CEP19: variants seen among roughly 807,000 people sequenced by gnomAD.
The protein encoded by CEP19 is centrosomal protein 19, also known as centrosomal protein of 19 kDa.
A neutral mutation model predicts 17.5 loss-of-function variants in CEP19; 14 were observed. The ratio of observed to expected loss-of-function variants is 0.80; its 90% CI spans 0.53 to 1.25. CEP19 has a LOEUF of 1.25. Among genes scored for constraint, CEP19 ranks in the 50% most tolerant of loss-of-function variants. The pLI is 0.00. For missense variants in CEP19, 193 were observed against 192.0 expected (o/e 1.01, Z -0.03); for synonymous variants, 59 against 65.5 (o/e 0.90, Z 0.48).
chr3:196,708,580 C>T lies in CEP19; in HGVS notation c.78G>A (p.Lys26=). ...GCATAATGCGCTGGCGAATTTTCCC[C>T]TTGATTTCACTCTCATAGATTAAGA... ...AIILIYESEI[K]GKIRQRIMPV... The change falls in exon 2 of 3, where the codon AAG becomes AAA. Residue 26 remains lysine, a synonymous_variant. Transcript: ENST00000409690. 2 of 1,614,156 alleles carry T rather than the reference C, an allele frequency of 1.2e-6. No individual in the cohort carries two copies. The highest frequency in any genetic ancestry group is 1.7e-6 in the Non-Finnish European group (2 of 1,180,006).
At chr3:196,708,163 G>A (rs1313269191) in intron 2 of CEP19, among the ~76,000 whole-genome samples, 5 of 152,170 alleles carry the variant, frequency 3.3e-5, no homozygotes, top group Non-Finnish European at 1.5e-5. Context: ...TCACTTTGTA[G>A]AGATATTAAA....
Position 196,707,517 on chromosome 3 carries a change from C to T in CEP19, c.*34G>A, listed in dbSNP as rs1170187702. ...CAGTCTGGTAATAAACATGGATATT[C>T]TGCTAGCCCAATGCATGTTTTGAGT... On this transcript the variant is annotated 3_prime_UTR_variant, in exon 3 of 3. Transcript: ENST00000409690. 1.5e-5 allele frequency: 23 copies of T among 1,563,032 alleles called. No homozygotes were observed. Among genetic ancestry groups the T allele is most frequent in the Non-Finnish European group, 1.9e-5 (22 of 1,158,606 alleles).
Position 196,712,229 on chromosome 3 carries a change from C to T in CEP19, c.-371G>A, listed in dbSNP as rs1304054319. On this transcript the variant is annotated 5_prime_UTR_variant, in exon 1 of 3. Coordinates refer to ENST00000409690, the MANE Select transcript of CEP19 (RefSeq NM_032898.5). ...ATTCCAGGTCCCGGCGAGCGCTGGC[C>T]TAGCGGTTTCCACAGCGACAGGCCG... 5.9e-6 allele frequency: 3 copies of T among 509,680 alleles called. No individual in the cohort carries two copies. In the Admixed American group the frequency reaches 9.7e-5, roughly 17 times the overall value. 31.6% of individuals were successfully genotyped at this position (509,680 alleles called of 1,614,324 possible). A position where few individuals can be genotyped will look rare whatever the true frequency, so the allele number is the denominator to read the frequency against.
chr3:196,710,856 A>C (rs895739872), intron 1 of CEP19, among the ~76,000 whole-genome samples: 6 of 150,380 alleles, frequency 4.0e-5, no homozygotes, highest in East Asian at 1.9e-4. Context: ...AAAAAAAAAA[A>C]AAAAAAAAAA....
chr3:196,712,012 A>G lies in CEP19; in HGVS notation c.-154T>C, dbSNP rs1577663939. 1.4e-6 allele frequency: 1 copy of G among 717,106 alleles called. No homozygotes were observed. Among genetic ancestry groups the G allele is most frequent in the Admixed American group, 2.0e-5 (1 of 50,004 alleles). The allele number at this position is 717,106 out of a possible 1,614,324, so 44.4% of individuals were successfully genotyped here. A position where few individuals can be genotyped will look rare whatever the true frequency, so the allele number is the denominator to read the frequency against. On this transcript the variant is annotated 5_prime_UTR_variant, in exon 1 of 3. Transcript: ENST00000409690. ...GGGTTTTTCCACCCAACCGCAGTGC[A>G]CGCAAAGCCCCTAAGCCGACTGTGA...
At chr3:196,707,937 A>G (rs772422370) in intron 2 of CEP19, 25 bp from the exon 3 acceptor site, 32 of 1,596,506 alleles carry the variant, frequency 2.0e-5, no homozygotes, top group African/African-American at 4.0e-5. Context: ...AAAACTATAT[A>G]CCACATACGT....
At position 196,706,569 on chromosome 3, in the gene CEP19, T is replaced by TC. The variant is rs1711525318; in HGVS notation, c.*981_*982insG. 1 of 152,122 alleles carries TC rather than the reference T, an allele frequency of 6.6e-6. No individual in the cohort carries two copies. The highest frequency in any genetic ancestry group is 1.5e-5 in the Non-Finnish European group (1 of 68,024). The allele number at this position is 152,122 out of a possible 1,614,324, so 9.4% of individuals were successfully genotyped here. A position where few individuals can be genotyped will look rare whatever the true frequency, so the allele number is the denominator to read the frequency against. ...ATTTCCCGATACCGGAGGGGCAGAATTCCCCCTCTGTCCATCAAGTGACAT... is the reference window on the plus strand; with the variant it reads ...ATTTCCCGATACCGGAGGGGCAGAATCTCCCCCTCTGTCCATCAAGTGACAT... On this transcript the variant is annotated 3_prime_UTR_variant, in exon 3 of 3. Coordinates refer to ENST00000409690, the MANE Select transcript of CEP19 (RefSeq NM_032898.5).
chr3:196,707,956 C>A, intron 2 of CEP19, 44 bp from the exon 3 acceptor site: 1 of 1,564,172 alleles, frequency 6.4e-7, no homozygotes, highest in South Asian at 1.2e-5. Flanking sequence ...GTACCACGTA[C>A]ATCATATACG....
intron 1 of CEP19, chr3:196,709,013 G>C (rs1485762268): frequency 4.9e-6 from 1 of 202,496 alleles, no homozygotes; most frequent in Admixed American, 5.5e-5. Flanking sequence ...CTTGGCCCTG[G>C]GTTAGTTTCA....
At chr3:196,708,306 G>T (rs1330395432) in intron 2 of CEP19, among the ~76,000 whole-genome samples, 1 of 152,108 alleles carries the variant, frequency 6.6e-6, no homozygotes, top group Admixed American at 6.6e-5. Flanking sequence ...TAATATTATT[G>T]AATAATGCTA....
intron 1 of CEP19, among the ~76,000 whole-genome samples, chr3:196,711,256 A>T (rs1711760299): frequency 6.6e-6 from 1 of 152,100 alleles, no homozygotes; most frequent in Admixed American, 6.6e-5. Flanking sequence ...GCCAGACTGA[A>T]TTTTAAAAGG....
chr3:196,709,778 T>G (rs1473672639), intron 1 of CEP19, among the ~76,000 whole-genome samples: 1 of 152,230 alleles, frequency 6.6e-6, no homozygotes, highest in Admixed American at 6.5e-5. Context: ...GCCCAAAGAA[T>G]ACACTTAACC....
chr3:196,710,046 T>C (rs747070080), intron 1 of CEP19, among the ~76,000 whole-genome samples: 1 of 152,204 alleles, frequency 6.6e-6, no homozygotes, highest in Non-Finnish European at 1.5e-5. Context: ...TCTAGGCATA[T>C]AGTTTATAGT....
intron 1 of CEP19, among the ~76,000 whole-genome samples, chr3:196,710,854 A>AAC (rs1711731008): frequency 6.8e-6 from 1 of 147,182 alleles, no homozygotes; most frequent in South Asian, 2.4e-4. Flanking sequence ...AAAAAAAAAA[A>AAC]AAAAAAAAAA....
At position 196,707,591 on chromosome 3, in the gene CEP19, T is replaced by C; in HGVS notation, c.452A>G (p.Gln151Arg). The C allele has an allele frequency of 6.2e-7, 1 of 1,612,946 alleles. No homozygotes were observed. Among genetic ancestry groups the C allele is most frequent in the Non-Finnish European group, 8.5e-7 (1 of 1,179,576 alleles). The stretch of plus-strand genomic sequence containing the variant: ...TGACTCTGTGTCCCAGCCACAGGAC[T>C]GCAGTTGATCGTCCTGTGGAAATTC... ...EVEFPQDDQLQSCGWDTESAD... is the reference protein window; with the variant it reads ...EVEFPQDDQLRSCGWDTESAD... The change falls in exon 3 of 3, where the codon CAG becomes CGG. Residue 151 changes from glutamine (Q) to arginine (R), a missense_variant. Coordinates refer to ENST00000409690, the MANE Select transcript of CEP19 (RefSeq NM_032898.5).
chr3:196,710,352 T>C (rs1212017239), intron 1 of CEP19, among the ~76,000 whole-genome samples: 1 of 152,174 alleles, frequency 6.6e-6, no homozygotes, highest in African/African-American at 2.4e-5. Context: ...GAGACCAGCC[T>C]GGCCAACATG....
Position 196,707,821 on chromosome 3 carries a change from G to A in CEP19, c.222C>T (p.Phe74=), listed in dbSNP as rs191514031. Residue 74 remains phenylalanine (F), a synonymous_variant, in exon 3 of 3, where the codon TTC becomes TTT. Transcript: ENST00000409690. ...CCGACAAGTAACCTCGTAAAAAACT[G>A]AATAGCTTCTCTAGCTGCCTCAGGG... ...QVSLRQLEKL[F]SFLRGYLSGQ... 29 of 1,614,112 alleles carry A rather than the reference G, an allele frequency of 1.8e-5. No individual in the cohort carries two copies. The Admixed American group carries it at 4.2e-4, about 23-fold the overall frequency.
chr3:196,711,137 T>C (rs538440217), intron 1 of CEP19, among the ~76,000 whole-genome samples: 35 of 151,906 alleles, frequency 2.3e-4, no homozygotes, highest in African/African-American at 8.0e-4. Flanking sequence ...CTTTTTAAAA[T>C]TTAACTTTAA....
At position 196,707,964 on chromosome 3, in the gene CEP19, A is replaced by C. The variant is rs559277584; in HGVS notation, c.131-52T>G. 6.2e-5 allele frequency: 96 copies of C among 1,547,172 alleles called. 1 individual carries two copies. The Middle Eastern group carries it at 1.0e-3, about 17-fold the overall frequency. On this transcript the variant is annotated intron_variant, in intron 2 of 2. Transcript: ENST00000409690. ...CACATACGTACCACGTACATCATATACGCCATAAACTACTGCAACAGCCAA... is the reference window on the plus strand; with the variant it reads ...CACATACGTACCACGTACATCATATCCGCCATAAACTACTGCAACAGCCAA...
Sources: allele counts gnomAD v4.1 joint callset (sites outside exome capture counted in the v4.1 genomes callset), GRCh38; gene constraint gnomAD v4.1.1; transcripts MANE v1.5; gene names NCBI Gene and HGNC (gene_info 2026-07-23, HGNC 2026-07-21).